The following CBX2 variants were observed in gnomAD, a reference collection of about 807,000 sequenced individuals.
The protein encoded by CBX2 is chromobox 2, also known as chromobox protein homolog 2.
CBX2 carries 11 observed loss-of-function variants against 21.0 expected under a neutral mutation model. The observed-to-expected ratio is 0.52, with a 90% CI of 0.33 to 0.87. CBX2 has a LOEUF of 0.87. Ranked by LOEUF, CBX2 falls within the 40% of genes least tolerant of loss-of-function variation. CBX2 has a pLI of 0.02. For missense variants in CBX2, 746 were observed against 724.3 expected (o/e 1.03, Z -0.34); for synonymous variants, 364 against 304.6 (o/e 1.19, Z -2.03).
In CBX2 at chr17:79,784,069, C is replaced by G; in HGVS notation, c.626C>G (p.Ala209Gly). Residue 209 changes from alanine to glycine, a missense_variant, in exon 5 of 5, where the codon GCA becomes GGA. By Grantham distance (60) the Ala-to-Gly change is moderately conservative (BLOSUM62 0). Transcript: ENST00000310942. The surrounding 1 kb of genome is among the most constrained non-coding windows in gnomAD (Gnocchi z 5.9). Reference protein sequence around the residue: ...KLPPPLSAPVAGLAALKAHAK... With the variant: ...KLPPPLSAPVGGLAALKAHAK... ...CCCCCTCCACTCAGCGCCCCCGTTG[C>G]AGGCCTGGCAGCTCTGAAGGCCCAC... 1 of 1,612,446 alleles carries G rather than the reference C, an allele frequency of 6.2e-7. No individual in the cohort carries two copies. The highest frequency in any genetic ancestry group is 2.2e-5 in the East Asian group (1 of 44,876).
In CBX2 at chr17:79,784,168, C is replaced by G; in HGVS notation, c.725C>G (p.Ala242Gly). The G allele has an allele frequency of 6.2e-7, 1 of 1,612,738 alleles. No individual in the cohort carries two copies. Among genetic ancestry groups the G allele is most frequent in the Non-Finnish European group, 8.5e-7 (1 of 1,179,908 alleles). The stretch of plus-strand genomic sequence containing the variant: ...CTGGCCAGCCTAATGAAGGGCATGG[C>G]CAGTAGCCCCGGCCGGGGTGGCATC... ...ENLASLMKGM[A>G]SSPGRGGISW... Residue 242 changes from alanine to glycine, a missense_variant, in exon 5 of 5, where the codon GCC becomes GGC. Physicochemically the swap from Ala to Gly is moderately conservative, Grantham distance 60. Around this residue, in one of 2 missense-constraint regions of CBX2, gnomAD observed 701 missense variants for 650.7 expected, o/e 1.08. Transcript: ENST00000310942. The surrounding 1 kb of genome is among the most constrained non-coding windows in gnomAD (Gnocchi z 5.9).
intron 4 of CBX2, chr17:79,782,544 G>T: frequency 9.3e-7 from 1 of 1,074,604 alleles, no homozygotes; most frequent in East Asian, 7.0e-5. Context: ...ACCTTCGCGT[G>T]TTGTGGCCAC....
At position 79,780,190 on chromosome 17, in the gene CBX2, CT is replaced by C. The variant is rs1907069527; in HGVS notation, c.182+764del. On this transcript the variant is annotated intron_variant, in intron 3 of 4. Transcript: ENST00000310942. ...GGGGTGGTTTCACTGACGGCTCCCCCTGGATCCCCTGGCTGGACTTGCCCTG... is the reference window on the plus strand; with the variant it reads ...GGGGTGGTTTCACTGACGGCTCCCCCGGATCCCCTGGCTGGACTTGCCCTG... 3.3e-5 allele frequency among the ~76,000 whole-genome samples: 5 copies of C among 152,220 alleles called. No homozygotes were observed. The South Asian group carries it at 1.0e-3, about 32-fold the overall frequency.
chr17:79,781,632 G>C lies in CBX2; in HGVS notation c.183-64G>C, dbSNP rs1907206912. The C allele has an allele frequency of 1.2e-5, 17 of 1,395,724 alleles. No individual in the cohort carries two copies. In the South Asian group the frequency reaches 1.8e-4, roughly 15 times the overall value. 86.5% of individuals were successfully genotyped at this position (1,395,724 alleles called of 1,614,324 possible). A position where few individuals can be genotyped will look rare whatever the true frequency, so the allele number is the denominator to read the frequency against. ...GGAATAGGGTGCTGGAAGCCATAGA[G>C]TCCCACATGGTAGAAGGGGTACGCA... On this transcript the variant is annotated intron_variant, in intron 3 of 4. Transcript: ENST00000310942.
chr17:79,778,526 C>G lies in CBX2; in HGVS notation c.116+99C>G, dbSNP rs1906910538. 1 of 695,482 alleles carries G rather than the reference C, an allele frequency of 1.4e-6. No homozygotes were observed. Among genetic ancestry groups the G allele is most frequent in the Admixed American group, 4.4e-5 (1 of 22,922 alleles). The allele number at this position is 695,482 out of a possible 1,614,324, so 43.1% of individuals were successfully genotyped here. ...CGCCGTCCGGTGGCCTGGGGGCGCC[C>G]GCGGGCAGAGCGGGAAGTTCGCGGG... On this transcript the variant is annotated intron_variant, in intron 2 of 4. Coordinates refer to ENST00000310942, the MANE Select transcript of CBX2 (RefSeq NM_005189.3). This position sits in a 1 kb window ranked among gnomAD's most constrained non-coding sequence, Gnocchi z 4.8.
Position 79,785,341 on chromosome 17 carries a change from C to G in CBX2, c.*299C>G. ...GGCACCTGTGGCTCCAGGTGACTGT[C>G]TTGAACAGAGCGGGCTTCTTCATGG... is the stretch of plus-strand genomic sequence containing the variant. On this transcript the variant is annotated 3_prime_UTR_variant, in exon 5 of 5. Transcript: ENST00000310942. 1 of 504,392 alleles carries G rather than the reference C, an allele frequency of 2.0e-6. No homozygotes were observed. Among genetic ancestry groups the G allele is most frequent in the Non-Finnish European group, 3.6e-6 (1 of 275,856 alleles). The allele number at this position is 504,392 out of a possible 1,614,324, so 31.2% of individuals were successfully genotyped here. A position where few individuals can be genotyped will look rare whatever the true frequency, so the allele number is the denominator to read the frequency against.
intron 3 of CBX2, among the ~76,000 whole-genome samples, chr17:79,780,742 G>A (rs941699381): frequency 3.3e-5 from 5 of 152,018 alleles, no homozygotes; most frequent in Admixed American, 3.3e-4. Context: ...CTTGGTATTG[G>A]AGGGGGTGGG....
At chr17:79,779,512 G>T in intron 3 of CBX2, 85 bp downstream of exon 3, 7 of 1,268,354 alleles carry the variant, frequency 5.5e-6, no homozygotes, top group East Asian at 2.3e-5. Flanking sequence ...CGCCTGCCGG[G>T]AGGCTGGAGC....
chr17:79,785,160 G>GT lies in CBX2; in HGVS notation c.*119dup. The GT allele has an allele frequency of 1.2e-6, 1 of 867,878 alleles. No homozygotes were observed. Among genetic ancestry groups the GT allele is most frequent in the Non-Finnish European group, 1.8e-6 (1 of 540,772 alleles). The allele number at this position is 867,878 out of a possible 1,614,324, so 53.8% of individuals were successfully genotyped here. On this transcript the variant is annotated 3_prime_UTR_variant, in exon 5 of 5. Transcript: ENST00000310942. ...GTCTGGGTCGGGGGAGGAGGAGTGG[G>GT]TGGCCTCCTTGATGGGCAGGCTTGG... is the stretch of plus-strand genomic sequence containing the variant.
rs370780535 is a variant in CBX2, at chr17:79,784,748, T to C, written c.1305T>C (p.Ala435=). The change falls in exon 5 of 5, where the codon GCT becomes GCC. Residue 435 remains alanine (A), a synonymous_variant. Transcript: ENST00000310942. The surrounding 1 kb of genome is among the most constrained non-coding windows in gnomAD (Gnocchi z 5.9). ...AGAGGGACTGTGTCAAGGGCAGTGC[T>C]ACCCCCAGTGGGCAGGAGAGCCGCA... The part of the protein sequence containing the change: ...ASKRDCVKGS[A]TPSGQESRTA... 86 of 1,611,002 alleles carry C rather than the reference T, an allele frequency of 5.3e-5. No homozygotes were observed. Among genetic ancestry groups the C allele is most frequent in the Non-Finnish European group, 1.1e-5 (13 of 1,179,220 alleles).
rs569941526 is a variant in CBX2, at chr17:79,782,611, T to C, written c.288+810T>C. 5 of 559,942 alleles carry C rather than the reference T, an allele frequency of 8.9e-6. No homozygotes were observed. In the East Asian group the frequency reaches 4.1e-4, roughly 45 times the overall value. 34.7% of individuals were successfully genotyped at this position (559,942 alleles called of 1,614,324 possible). ...AGGAGGATTTCCTGAATGAACAGGA[T>C]TCCCTGCTGTAGAATCTTGTTGGCT... On this transcript the variant is annotated intron_variant, in intron 4 of 4. Coordinates refer to ENST00000310942, the MANE Select transcript of CBX2 (RefSeq NM_005189.3).
chr17:79,782,427 G>T, intron 4 of CBX2: 1 of 1,316,618 alleles, frequency 7.6e-7, no homozygotes, highest in Middle Eastern at 3.0e-4. Flanking sequence ...CCGTGGTAGG[G>T]CCCCTCCCTC....
At chr17:79,782,722 G>A (rs1387301061) in intron 4 of CBX2, among the ~76,000 whole-genome samples, 1 of 152,178 alleles carries the variant, frequency 6.6e-6, no homozygotes, top group Admixed American at 6.5e-5. Flanking sequence ...ACTGAGGAGT[G>A]GCCACAAGGC....
chr17:79,778,729 GC>G lies in CBX2; in HGVS notation c.116+308del, dbSNP rs1241127560. Among the ~76,000 whole-genome samples the G allele has an allele frequency of 4.6e-5, 7 of 151,956 alleles. No homozygotes were observed. The highest frequency in any genetic ancestry group is 1.7e-4 in the African/African-American group (7 of 41,384). On this transcript the variant is annotated intron_variant, in intron 2 of 4. Coordinates refer to ENST00000310942, the MANE Select transcript of CBX2 (RefSeq NM_005189.3). The surrounding 1 kb of genome is among the most constrained non-coding windows in gnomAD (Gnocchi z 4.8). ...GCCGGGAGGGAGGCGCGGGATGCAAGCCCCCCTCCTCTTGGCCAGATTCTCC... is the reference window on the plus strand; with the variant it reads ...GCCGGGAGGGAGGCGCGGGATGCAAGCCCCCTCCTCTTGGCCAGATTCTCC...
At chr17:79,782,309 G>GC (rs1370009094) in intron 4 of CBX2, 2 of 1,509,178 alleles carry the variant, frequency 1.3e-6, no homozygotes, top group East Asian at 2.5e-5. Context: ...GAGGGCAGAG[G>GC]CAGTGTGGGC....
rs1272369601 is a variant in CBX2, at chr17:79,787,549, AAGT to A, written c.*2510_*2512del. The A allele has an allele frequency of 2.0e-5, 3 of 152,628 alleles. No individual in the cohort carries two copies. Among genetic ancestry groups the A allele is most frequent in the Non-Finnish European group, 2.9e-5 (2 of 68,032 alleles). 9.5% of individuals were successfully genotyped at this position (152,628 alleles called of 1,614,324 possible). ...TTGTCTTATGTTTACCAATAAATAAAAGTAGACTTTTTCTATTTTTATTTGCTG... is the reference window on the plus strand; with the variant it reads ...TTGTCTTATGTTTACCAATAAATAAAAGACTTTTTCTATTTTTATTTGCTG... On this transcript the variant is annotated 3_prime_UTR_variant, in exon 5 of 5. Coordinates refer to ENST00000310942, the MANE Select transcript of CBX2 (RefSeq NM_005189.3).
chr17:79,780,836 A>G (rs1907128315), intron 3 of CBX2, among the ~76,000 whole-genome samples: 3 of 152,270 alleles, frequency 2.0e-5, no homozygotes, highest in East Asian at 1.9e-4. Context: ...GCAACACTTC[A>G]TTGTCCTTTT....
In CBX2 at chr17:79,787,813, C is replaced by T. The variant is rs1225301498; in HGVS notation, c.*2771C>T. The T allele has an allele frequency of 1.3e-5, 2 of 152,094 alleles. No individual in the cohort carries two copies. The highest frequency in any genetic ancestry group is 4.8e-5 in the African/African-American group (2 of 41,408). 9.4% of individuals were successfully genotyped at this position (152,094 alleles called of 1,614,324 possible). ...ATATTTTGTACCAAAAAAGAGTGTTCCTTGTTTTGGTTACACTCGAAATTC... is the reference window on the plus strand; with the variant it reads ...ATATTTTGTACCAAAAAAGAGTGTTTCTTGTTTTGGTTACACTCGAAATTC... On this transcript the variant is annotated 3_prime_UTR_variant, in exon 5 of 5. Transcript: ENST00000310942.
intron 4 of CBX2, among the ~76,000 whole-genome samples, chr17:79,783,523 C>T (rs1319866891): frequency 6.6e-6 from 1 of 152,006 alleles, no homozygotes; most frequent in African/African-American, 2.4e-5. Flanking sequence ...AATTCTCCTG[C>T]CTCAGCCTCT....
Sources: allele counts gnomAD v4.1 joint callset (sites outside exome capture counted in the v4.1 genomes callset), GRCh38; gene constraint gnomAD v4.1.1; regional missense constraint gnomAD v4.1.1; non-coding constraint Gnocchi (gnomAD v3.1); transcripts MANE v1.5; gene names NCBI Gene and HGNC (gene_info 2026-07-23, HGNC 2026-07-21).